Variants in CCDC169 observed in about 807,000 individuals in gnomAD.
CCDC169 encodes coiled-coil domain containing 169, also known as coiled-coil domain-containing protein 169.
A neutral mutation model predicts 36.0 loss-of-function variants in CCDC169; 30 were observed. That is an observed-to-expected ratio of 0.83 (90% confidence interval 0.62 to 1.13). The LOEUF is 1.13. Ranked by LOEUF, CCDC169 falls within the 50% of genes most tolerant of loss-of-function variation. The pLI is 0.00. For synonymous variants in CCDC169, 85 were observed against 81.5 expected, an observed-to-expected ratio of 1.04 and a Z score of -0.23; for missense variants, 245 against 245.9, an observed-to-expected ratio of 1.00 and a Z score of 0.03.
chr13:36,239,057 C>G (rs183622301), intron 7 of CCDC169, among the ~76,000 whole-genome samples: 1 of 151,672 alleles, frequency 6.6e-6, no homozygotes, highest in Non-Finnish European at 1.5e-5. Context: ...ATGGCAAGAC[C>G]CTGTCCATAT....
chr13:36,257,596 G>C (rs1874063216), intron 4 of CCDC169, among the ~76,000 whole-genome samples: 1 of 151,986 alleles, frequency 6.6e-6, no homozygotes, highest in Admixed American at 6.6e-5. Flanking sequence ...CCAGCTACTC[G>C]AGAGACTGAG....
intron 2 of CCDC169, among the ~76,000 whole-genome samples, chr13:36,286,659 T>G (rs1375158803): frequency 6.6e-6 from 1 of 152,172 alleles, no homozygotes; most frequent in African/African-American, 2.4e-5. Flanking sequence ...TCATCCTGAT[T>G]ATCTCAGAAG....
intron 4 of CCDC169, among the ~76,000 whole-genome samples, chr13:36,269,874 C>T (rs1238642211): frequency 6.6e-6 from 1 of 152,142 alleles, no homozygotes; most frequent in African/African-American, 2.4e-5. Flanking sequence ...CAAGACAAGG[C>T]TGCCGACATG....
At chr13:36,283,169 A>T (rs1455029884) in intron 4 of CCDC169, 1 of 328,506 alleles carries the variant, frequency 3.0e-6, no homozygotes, top group Non-Finnish European at 5.5e-6. Flanking sequence ...ATTTCTCCTC[A>T]ATTCATTATT....
At chr13:36,233,097 C>T (rs1870631547) in intron 7 of CCDC169, among the ~76,000 whole-genome samples, 2 of 152,136 alleles carry the variant, frequency 1.3e-5, no homozygotes, top group African/African-American at 4.8e-5. Flanking sequence ...ATTTGCCTGG[C>T]CGACTGTTGA....
intron 7 of CCDC169, among the ~76,000 whole-genome samples, chr13:36,245,534 G>A (rs1872406434): frequency 6.6e-6 from 1 of 152,108 alleles, no homozygotes; most frequent in Admixed American, 6.5e-5. Context: ...GAGGCCTCAA[G>A]CAATCCTCCC....
intron 4 of CCDC169, among the ~76,000 whole-genome samples, chr13:36,269,297 A>G (rs967146418): frequency 1.3e-5 from 2 of 152,176 alleles, no homozygotes; most frequent in African/African-American, 4.8e-5. Flanking sequence ...GCCAACAACA[A>G]TAAGAACACC....
chr13:36,256,905 A>T (rs532094019), intron 4 of CCDC169, among the ~76,000 whole-genome samples: 2 of 152,328 alleles, frequency 1.3e-5, no homozygotes, highest in South Asian at 4.1e-4. Context: ...AGGATTCTGC[A>T]CATCACTAAT....
At chr13:36,269,168 C>A (rs1875721639) in intron 4 of CCDC169, among the ~76,000 whole-genome samples, 1 of 151,644 alleles carries the variant, frequency 6.6e-6, no homozygotes, top group African/African-American at 2.4e-5. Context: ...ACTAGAAAAC[C>A]TAGAGGAAAT....
chr13:36,291,240 A>G (rs17053770), intron 2 of CCDC169, among the ~76,000 whole-genome samples: 6,116 of 152,308 alleles, frequency 0.04, 412 homozygotes, highest in East Asian at 0.27. Context: ...TTCACTTACT[A>G]ACAAAGTCTC....
At chr13:36,292,059 G>T (rs1427735357) in intron 2 of CCDC169, among the ~76,000 whole-genome samples, 1 of 144,234 alleles carries the variant, frequency 6.9e-6, no homozygotes, top group Non-Finnish European at 1.5e-5. Context: ...TGCAATCTTT[G>T]CTCACTGCAA....
chr13:36,265,312 C>A (rs892751677), intron 4 of CCDC169, among the ~76,000 whole-genome samples: 2 of 152,174 alleles, frequency 1.3e-5, no homozygotes, highest in African/African-American at 4.8e-5. Context: ...TGACAACTTT[C>A]AAGATATATA....
At chr13:36,281,763 G>A (rs751730228) in intron 4 of CCDC169, among the ~76,000 whole-genome samples, 28 of 152,094 alleles carry the variant, frequency 1.8e-4, no homozygotes, top group Non-Finnish European at 3.5e-4. Context: ...TCAGGAGGCT[G>A]AGGTGAGAGG....
intron 7 of CCDC169, among the ~76,000 whole-genome samples, chr13:36,233,168 C>T (rs948763167): frequency 6.6e-6 from 1 of 152,186 alleles, no homozygotes; most frequent in African/African-American, 2.4e-5. Flanking sequence ...TTTATTGATG[C>T]TAGGCATTTA....
At chr13:36,293,831 C>T (rs1449388515) in intron 2 of CCDC169, among the ~76,000 whole-genome samples, 1 of 152,050 alleles carries the variant, frequency 6.6e-6, no homozygotes, top group African/African-American at 2.4e-5. Context: ...CCAGTTAATC[C>T]ACAGAATTAT....
At chr13:36,290,273 C>A (rs1357281709) in intron 2 of CCDC169, among the ~76,000 whole-genome samples, 1 of 152,086 alleles carries the variant, frequency 6.6e-6, no homozygotes, top group Non-Finnish European at 1.5e-5. Flanking sequence ...AATAATTTTG[C>A]CTCTATCTAA....
chr13:36,255,783 TAAG>T (rs750326089), intron 4 of CCDC169, among the ~76,000 whole-genome samples: 6 of 151,762 alleles, frequency 4.0e-5, no homozygotes, highest in Non-Finnish European at 5.9e-5. Context: ...CCTCAGGAAA[TAAG>T]AAGGATGCAC....
At chr13:36,273,922 G>A (rs373755924) in intron 4 of CCDC169, among the ~76,000 whole-genome samples, 1 of 152,104 alleles carries the variant, frequency 6.6e-6, no homozygotes, top group Non-Finnish European at 1.5e-5. Context: ...CCAGCTCTGT[G>A]CGTGTTCATT....
intron 7 of CCDC169, among the ~76,000 whole-genome samples, chr13:36,242,178 CTA>C (rs1422992882): frequency 6.6e-6 from 1 of 152,158 alleles, no homozygotes; most frequent in Non-Finnish European, 1.5e-5. Context: ...TGAAAACAAA[CTA>C]ATACAATATT....
Sources: gnomAD v4.1 joint callset for allele counts (sites outside exome capture counted in the v4.1 genomes callset) on GRCh38, gnomAD v4.1.1 for gene constraint, MANE v1.5 for transcripts, NCBI Gene and HGNC (gene_info 2026-07-23, HGNC 2026-07-21) for gene names.